Variants in BOD1L1 observed in about 807,000 individuals in gnomAD.
The protein encoded by BOD1L1 is biorientation of chromosomes in cell division 1 like 1, also known as biorientation of chromosomes in cell division protein 1-like 1.
A neutral mutation model predicts 240.7 loss-of-function variants in BOD1L1; 86 were observed. The ratio of observed to expected loss-of-function variants is 0.36; its 90% CI spans 0.30 to 0.43. The LOEUF is 0.43. Among genes scored for constraint, BOD1L1 ranks in the 20% least tolerant of loss-of-function variants. The pLI is 1.00. For synonymous variants in BOD1L1, 1,268 were observed against 1,272.3 expected, an observed-to-expected ratio of 1.00 and a Z score of 0.07; for missense variants, 3,554 against 3,643.5, an observed-to-expected ratio of 0.98 and a Z score of 0.63.
intron 25 of BOD1L1, among the ~76,000 whole-genome samples, chr4:13,575,298 AC>A (rs1393888284): frequency 6.6e-6 from 1 of 152,156 alleles, no homozygotes; most frequent in Non-Finnish European, 1.5e-5. Flanking sequence ...ATCTTCCTGA[AC>A]TTTTTGATCA....
Position 13,569,923 on chromosome 4 carries a change from TG to T in BOD1L1, c.*87del, listed in dbSNP as rs2108866728. Reference sequence around the variant, plus strand: ...TTACAGCACATGCATATCTTTTTCCTGGTTAAAGAGAAGCCTATGGCCACCA... The same window carrying T: ...TTACAGCACATGCATATCTTTTTCCTGTTAAAGAGAAGCCTATGGCCACCA... On this transcript the variant is annotated 3_prime_UTR_variant, in exon 26 of 26. Coordinates refer to ENST00000040738, the MANE Select transcript of BOD1L1 (RefSeq NM_148894.3). 1 of 971,468 alleles carries T rather than the reference TG, an allele frequency of 1.0e-6. No individual in the cohort carries two copies. The highest frequency in any genetic ancestry group is 1.4e-6 in the Non-Finnish European group (1 of 704,404). The allele number at this position is 971,468 out of a possible 1,614,324, so 60.2% of individuals were successfully genotyped here. A position where few individuals can be genotyped will look rare whatever the true frequency, so the allele number is the denominator to read the frequency against.
intron 1 of BOD1L1, chr4:13,624,801 C>G (rs549986319): frequency 1.4e-4 from 21 of 152,296 alleles, no homozygotes; most frequent in African/African-American, 5.1e-4. Context: ...TATCAAATGT[C>G]TTCATTCTTA....
intron 13 of BOD1L1, among the ~76,000 whole-genome samples, chr4:13,590,792 T>C (rs575612138): frequency 6.6e-6 from 1 of 152,210 alleles, no homozygotes; most frequent in African/African-American, 2.4e-5. Context: ...AAAAACTCTA[T>C]AGGATTCTGT....
In BOD1L1 at chr4:13,603,163, G is replaced by A. The variant is rs1426500816; in HGVS notation, c.3737C>T (p.Pro1246Leu). Residue 1246 changes from proline to leucine, a missense_variant, in exon 10 of 26, where the codon CCA (proline) becomes CTA (leucine). By Grantham distance (98) the Pro-to-Leu change is moderately conservative. Transcript: ENST00000040738. Reference sequence around the variant, plus strand: ...CTTCTGTACCCTATCATTTTCTGATGGGGCACTCAGTAACATTCTATGAAC... The same window carrying A: ...CTTCTGTACCCTATCATTTTCTGATAGGGCACTCAGTAACATTCTATGAAC... The part of the protein sequence containing the change: ...ETVHRMLLSA[P>L]SENDRVQKNL... The A allele has an allele frequency of 1.9e-6, 3 of 1,613,810 alleles. No individual in the cohort carries two copies. The highest frequency in any genetic ancestry group is 2.5e-6 in the Non-Finnish European group (3 of 1,179,866).
At chr4:13,579,856 A>C in intron 22 of BOD1L1, 72 bp downstream of exon 22, 1 of 1,298,002 alleles carries the variant, frequency 7.7e-7, no homozygotes, top group Non-Finnish European at 1.1e-6. Context: ...GGAAGTTCCA[A>C]ACCTTCTCCA....
chr4:13,610,563 A>G (rs751285358), intron 6 of BOD1L1, among the ~76,000 whole-genome samples: 2 of 152,256 alleles, frequency 1.3e-5, no homozygotes, highest in African/African-American at 4.8e-5. Context: ...AAAACATTGT[A>G]TCGAATACTC....
rs773714873 is a variant in BOD1L1 at position 13,600,241 on chromosome 4, G to C, written c.6659C>G (p.Ser2220Cys). The C allele has an allele frequency of 2.8e-5, 45 of 1,613,882 alleles. No individual in the cohort carries two copies. The highest frequency in any genetic ancestry group is 3.6e-5 in the Non-Finnish European group (42 of 1,179,912). ...KEEKDECALISTSIAEECEAS... is the reference protein window; with the variant it reads ...KEEKDECALICTSIAEECEAS... ...CTCACATTCTTCTGCTATGCTAGTG[G>C]AAATGAGAGCACATTCATCCTTCTC... The change falls in exon 10 of 26, where the codon TCC becomes TGC. Residue 2220 changes from serine to cysteine, a missense_variant. By Grantham distance (112) the Ser-to-Cys change is moderately radical. Around this residue, in one of 2 missense-constraint regions of BOD1L1, gnomAD observed 3,393 missense variants for 3,427.1 expected, o/e 0.99. Coordinates refer to ENST00000040738, the MANE Select transcript of BOD1L1 (RefSeq NM_148894.3).
At position 13,601,962 on chromosome 4, in the gene BOD1L1, CACA is replaced by C. The variant is rs1350983032; in HGVS notation, c.4935_4937del (p.Val1646del). 1 of 1,613,990 alleles carries C rather than the reference CACA, an allele frequency of 6.2e-7. No individual in the cohort carries two copies. The highest frequency in any genetic ancestry group is 8.5e-7 in the Non-Finnish European group (1 of 1,179,900). On this transcript the variant is annotated inframe_deletion, in exon 10 of 26. Transcript: ENST00000040738. ...TTACAGCATCATCCTTTTCCTCTGT[CACA>C]ACGCTATTTACATTGGCTTCGATTT...
intron 25 of BOD1L1, chr4:13,572,833 A>G: frequency 7.8e-7 from 1 of 1,289,648 alleles, no homozygotes; most frequent in Non-Finnish European, 1.0e-6. Flanking sequence ...ATGGCTTGCT[A>G]TGTTGCTTTC....
chr4:13,600,692 C>T lies in BOD1L1; in HGVS notation c.6208G>A (p.Val2070Ile). ...GTGGTACTGGTGGAAATAATCAAAA[C>T]TTTGCCTTGATTTTTACCCCCTGCT... ...SLAGGKNQGK[V>I]LIISTSTTND... The change falls in exon 10 of 26, where the codon GTT (valine) becomes ATT (isoleucine). Residue 2070 changes from valine (V) to isoleucine (I), a missense_variant. Physicochemically the swap from Val to Ile is conservative, Grantham distance 29. Transcript: ENST00000040738. 6.2e-7 allele frequency: 1 copy of T among 1,613,972 alleles called. No individual in the cohort carries two copies. Among genetic ancestry groups the T allele is most frequent in the South Asian group, 1.1e-5 (1 of 91,074 alleles).
intron 3 of BOD1L1, 115 bp from the exon 4 acceptor site, chr4:13,614,925 C>T (rs1376372997): frequency 5.3e-6 from 6 of 1,125,202 alleles, no homozygotes; most frequent in Non-Finnish European, 7.4e-6. Flanking sequence ...TGCAGACCAT[C>T]TGTATATTCT....
At chr4:13,611,222 A>G in intron 5 of BOD1L1, 122 bp from the exon 6 acceptor site, 1 of 615,316 alleles carries the variant, frequency 1.6e-6, no homozygotes, top group Non-Finnish European at 2.7e-6. Flanking sequence ...TCAGGATGTG[A>G]AGATTTCAGA....
chr4:13,591,856 G>A, intron 13 of BOD1L1, 67 bp downstream of exon 13: 1 of 1,269,988 alleles, frequency 7.9e-7, no homozygotes, highest in Non-Finnish European at 1.1e-6. Context: ...CTCCTCAATA[G>A]CTCTCCAAAA....
Position 13,602,019 on chromosome 4 carries a change from T to C in BOD1L1, c.4881A>G (p.Ala1627=). 6.2e-7 allele frequency: 1 copy of C among 1,614,030 alleles called. No homozygotes were observed. The highest frequency in any genetic ancestry group is 8.5e-7 in the Non-Finnish European group (1 of 1,179,898). ...CTGCATGCACAGCCAGTAGGTCTGC[T>C]GCTCTGTCCTCAGATTCAGCCACAG... The part of the protein sequence containing the change: ...ECAVAESEDR[A]ADLLAVHAVK... Residue 1627 remains alanine, a synonymous_variant, in exon 10 of 26, where the codon GCA becomes GCG. Transcript: ENST00000040738.
chr4:13,583,387 A>G (rs1476006731), intron 17 of BOD1L1, among the ~76,000 whole-genome samples: 1 of 152,212 alleles, frequency 6.6e-6, no homozygotes, highest in Non-Finnish European at 1.5e-5. Flanking sequence ...CATTTCTATT[A>G]ATGTTAATTT....
At chr4:13,584,351 T>C (rs12331669) in intron 17 of BOD1L1, among the ~76,000 whole-genome samples, 3,153 of 151,540 alleles carry the variant, frequency 0.021, 120 homozygotes, top group African/African-American at 0.073. Context: ...GTGCTCTGTG[T>C]GTGTGTGTGT....
chr4:13,577,671 C>A (rs1371957409), intron 22 of BOD1L1, 40 bp from the exon 23 acceptor site: 2 of 1,444,256 alleles, frequency 1.4e-6, no homozygotes, highest in Non-Finnish European at 9.5e-7. Context: ...TATTTTATTA[C>A]TGTAAATTTA....
Position 13,613,408 on chromosome 4 carries a change from G to T in BOD1L1, c.1324+104C>A. 2 of 1,091,240 alleles carry T rather than the reference G, an allele frequency of 1.8e-6. No individual in the cohort carries two copies. Among genetic ancestry groups the T allele is most frequent in the African/African-American group, 1.6e-5 (1 of 63,620 alleles). 67.6% of individuals were successfully genotyped at this position (1,091,240 alleles called of 1,614,324 possible). ...AAATCTTCCAACTACAAAATCCCATGCTCTTGCTACTATACCACACTGTTT... is the reference window on the plus strand; with the variant it reads ...AAATCTTCCAACTACAAAATCCCATTCTCTTGCTACTATACCACACTGTTT... On this transcript the variant is annotated intron_variant, in intron 5 of 25. Transcript: ENST00000040738. The surrounding 1 kb of genome is among the most constrained non-coding windows in gnomAD (Gnocchi z 4.0).
chr4:13,576,727 T>A, intron 25 of BOD1L1, 111 bp downstream of exon 25: 1 of 1,342,928 alleles, frequency 7.4e-7, no homozygotes, highest in Non-Finnish European at 1.0e-6. Context: ...GGGAAGAACT[T>A]CCACTGCAGC....
Sources: allele counts gnomAD v4.1 joint callset (sites outside exome capture counted in the v4.1 genomes callset), GRCh38; gene constraint gnomAD v4.1.1; regional missense constraint gnomAD v4.1.1; non-coding constraint Gnocchi (gnomAD v3.1); transcripts MANE v1.5; gene names NCBI Gene and HGNC (gene_info 2026-07-23, HGNC 2026-07-21).